PSMD9: variants seen among roughly 807,000 people sequenced by gnomAD.
PSMD9 encodes proteasome 26S subunit, non-ATPase 9.
Under a neutral mutation model 25.9 loss-of-function variants are expected in PSMD9, and 26 were observed. That is an observed-to-expected ratio of 1.00 (90% CI 0.73 to 1.39). The LOEUF (loss-of-function observed/expected upper bound fraction) is 1.39. PSMD9 is among the 40% of genes most tolerant of loss of function. The pLI, the probability that PSMD9 is intolerant of heterozygous loss-of-function variation, is 0.00. For missense variants in PSMD9, 303 were observed against 299.3 expected, an observed-to-expected ratio of 1.01 and a Z score of -0.09; for synonymous variants, 110 against 114.5, an observed-to-expected ratio of 0.96 and a Z score of 0.25.
intron 4 of PSMD9, among the ~76,000 whole-genome samples, chr12:121,909,803 A>C (rs759006186): frequency 1.2e-4 from 18 of 152,106 alleles, no homozygotes; most frequent in Non-Finnish European, 2.6e-4. Context: ...CATGTTCGAC[A>C]TTTAGGTTGT....
intron 2 of PSMD9, among the ~76,000 whole-genome samples, chr12:121,896,191 C>T (rs980257108): frequency 6.6e-5 from 10 of 151,838 alleles, no homozygotes; most frequent in East Asian, 3.9e-4. Flanking sequence ...TGTTCTCGGC[C>T]GGGTGCGGTG....
chr12:121,913,468 A>G lies in PSMD9; in HGVS notation c.556-2388A>G, dbSNP rs566310120. ...TGGATGTTAAATCCTTATTAGATATATGATTTGCATGTATTTTCTTTTTTC... is the reference window on the plus strand; with the variant it reads ...TGGATGTTAAATCCTTATTAGATATGTGATTTGCATGTATTTTCTTTTTTC... On this transcript the variant is annotated intron_variant, in intron 4 of 5. Transcript: ENST00000541212. Among the ~76,000 whole-genome samples the G allele has an allele frequency of 4.6e-5, 7 of 150,904 alleles. No individual in the cohort carries two copies. The East Asian group carries it at 1.4e-3, about 29-fold the overall frequency.
chr12:121,901,375 G>A (rs1045082002), intron 3 of PSMD9, among the ~76,000 whole-genome samples: 1 of 152,070 alleles, frequency 6.6e-6, no homozygotes, highest in Non-Finnish European at 1.5e-5. Flanking sequence ...TACAGACAGG[G>A]TCTCACTCTC....
intron 4 of PSMD9, among the ~76,000 whole-genome samples, chr12:121,914,058 G>A (rs1254935395): frequency 2.0e-5 from 3 of 151,822 alleles, no homozygotes; most frequent in Non-Finnish European, 4.4e-5. Flanking sequence ...ACCATGCCTC[G>A]CTAATTTTTA....
chr12:121,895,999 CATCTT>C (rs1343857632), intron 2 of PSMD9, among the ~76,000 whole-genome samples: 3 of 152,126 alleles, frequency 2.0e-5, no homozygotes, highest in African/African-American at 7.2e-5. Flanking sequence ...ATCTGCATCA[CATCTT>C]ATTTATTTAT....
At position 121,915,952 on chromosome 12, in the gene PSMD9, A is replaced by G; in HGVS notation, c.644+8A>G. 1 of 1,612,006 alleles carries G rather than the reference A, an allele frequency of 6.2e-7. No individual in the cohort carries two copies. On this transcript the variant is annotated splice_region_variant and intron_variant, in intron 5 of 5. Coordinates refer to ENST00000541212, the MANE Select transcript of PSMD9 (RefSeq NM_002813.7). Reference sequence around the variant, plus strand: ...AGGAAAAGGACTGCTGGGGTAAAGTATCTGTTTCTGTTCATTCTCACTGGG... The same window carrying G: ...AGGAAAAGGACTGCTGGGGTAAAGTGTCTGTTTCTGTTCATTCTCACTGGG...
intron 5 of PSMD9, 139 bp downstream of exon 5, chr12:121,916,083 C>A: frequency 8.5e-7 from 1 of 1,178,336 alleles, no homozygotes; most frequent in Non-Finnish European, 1.2e-6. Context: ...GATAAATCCT[C>A]GTGGTAGGAA....
At chr12:121,901,007 A>AT (rs1879379354) in intron 3 of PSMD9, among the ~76,000 whole-genome samples, 1 of 148,526 alleles carries the variant, frequency 6.7e-6, no homozygotes, top group Non-Finnish European at 1.5e-5. Flanking sequence ...AAAAAAAAAA[A>AT]GGAGATGGGG....
chr12:121,889,235 G>A (rs1565888553), intron 1 of PSMD9, among the ~76,000 whole-genome samples: 1 of 152,260 alleles, frequency 6.6e-6, no homozygotes, highest in Non-Finnish European at 1.5e-5. Flanking sequence ...CTAGGCGCTG[G>A]TTTAAGTGCT....
At chr12:121,893,336 CAGAGAGAA>C (rs937027617) in intron 1 of PSMD9, among the ~76,000 whole-genome samples, 6 of 152,182 alleles carry the variant, frequency 3.9e-5, no homozygotes, top group Non-Finnish European at 8.8e-5. Context: ...CGGAGGCTTC[CAGAGAGAA>C]AGGGAGCAAA....
intron 4 of PSMD9, among the ~76,000 whole-genome samples, chr12:121,907,614 A>G (rs1879598979): frequency 6.6e-6 from 1 of 152,230 alleles, no homozygotes; most frequent in Non-Finnish European, 1.5e-5. Flanking sequence ...GGGTGATGAA[A>G]ATGATCCAGA....
intron 2 of PSMD9, among the ~76,000 whole-genome samples, chr12:121,896,970 A>T (rs1373439189): frequency 6.8e-6 from 1 of 148,114 alleles, no homozygotes; most frequent in Non-Finnish European, 1.5e-5. Flanking sequence ...CATACATGTA[A>T]ATATATACAC....
At chr12:121,913,864 A>G (rs1879813839) in intron 4 of PSMD9, among the ~76,000 whole-genome samples, 1 of 151,802 alleles carries the variant, frequency 6.6e-6, no homozygotes, top group Admixed American at 6.6e-5. Context: ...TTTGATACAT[A>G]GAAGTTTTAG....
intron 5 of PSMD9, 42 bp downstream of exon 5, chr12:121,915,986 T>G: frequency 6.3e-7 from 1 of 1,576,730 alleles, no homozygotes; most frequent in Non-Finnish European, 8.7e-7. Flanking sequence ...GGGCATCATT[T>G]GAGTGTTTGT....
chr12:121,890,779 G>A (rs756093331), intron 1 of PSMD9, among the ~76,000 whole-genome samples: 6 of 151,754 alleles, frequency 4.0e-5, no homozygotes, highest in Non-Finnish European at 7.4e-5. Flanking sequence ...GCCCATAAAT[G>A]TATTTTAAAA....
At chr12:121,893,217 A>G (rs1879136766) in intron 1 of PSMD9, among the ~76,000 whole-genome samples, 1 of 152,362 alleles carries the variant, frequency 6.6e-6, no homozygotes, top group Non-Finnish European at 1.5e-5. Context: ...AGGAGCAGAT[A>G]CAGGTTTTTA....
At chr12:121,900,022 GT>G in intron 3 of PSMD9, 177 bp downstream of exon 3, 1 of 733,922 alleles carries the variant, frequency 1.4e-6, no homozygotes, top group Non-Finnish European at 2.2e-6. Flanking sequence ...TGGGGGCAGA[GT>G]TTTAGAGAGG....
intron 2 of PSMD9, among the ~76,000 whole-genome samples, chr12:121,896,037 G>A (rs1201101449): frequency 6.7e-6 from 1 of 150,068 alleles, no homozygotes; most frequent in Non-Finnish European, 1.5e-5. Flanking sequence ...ACGGAGTCTC[G>A]CTCTGTCACC....
intron 4 of PSMD9, among the ~76,000 whole-genome samples, chr12:121,912,924 ATTTTC>A (rs1230838650): frequency 2.7e-5 from 4 of 145,538 alleles, no homozygotes; most frequent in South Asian, 2.1e-4. Flanking sequence ...TCCTTTGCTC[ATTTTC>A]TTTTCTTTTC....
Sources: allele counts gnomAD v4.1 joint callset (sites outside exome capture counted in the v4.1 genomes callset), GRCh38; gene constraint gnomAD v4.1.1; transcripts MANE v1.5; gene names NCBI Gene and HGNC (gene_info 2026-07-23, HGNC 2026-07-21).